Variants in PRKCB observed in about 807,000 individuals in gnomAD.
PRKCB encodes protein kinase C beta type.
In PRKCB, 13 loss-of-function variants were observed where a neutral mutation model predicts 81.5. The ratio of observed to expected loss-of-function variants is 0.16; its 90% CI spans 0.10 to 0.25. PRKCB has a LOEUF of 0.25. Among genes scored for constraint, PRKCB ranks in the 10% least tolerant of loss-of-function variants. The pLI, the probability that PRKCB is intolerant of heterozygous loss-of-function variation, is 1.00. For missense variants in PRKCB, 509 were observed against 875.7 expected (o/e 0.58, Z 5.29); for synonymous variants, 335 against 321.4 (o/e 1.04, Z -0.45).
chr16:23,854,129 A>G (rs779129193), intron 2 of PRKCB, among the ~76,000 whole-genome samples: 64 of 151,400 alleles, frequency 4.2e-4, no homozygotes, highest in Admixed American at 6.6e-4. Flanking sequence ...CTCATGACAC[A>G]TGGGGATTAT....
intron 2 of PRKCB, among the ~76,000 whole-genome samples, chr16:23,863,527 C>A (rs1274595650): frequency 1.3e-5 from 2 of 152,086 alleles, no homozygotes; most frequent in African/African-American, 2.4e-5. Context: ...AGCTTGGGGC[C>A]AAACTTAGGC....
chr16:23,923,218 C>G (rs897548407), intron 2 of PRKCB, among the ~76,000 whole-genome samples: 3 of 152,054 alleles, frequency 2.0e-5, no homozygotes, highest in Non-Finnish European at 4.4e-5. Context: ...GGGTAGCTGC[C>G]TTCAGGTATT....
At chr16:23,994,444 G>A (rs982450912) in intron 3 of PRKCB, among the ~76,000 whole-genome samples, 4 of 152,334 alleles carry the variant, frequency 2.6e-5, no homozygotes, top group Non-Finnish European at 5.9e-5. Flanking sequence ...CCAAGAGGAA[G>A]CCATTAGAAC....
chr16:24,164,435 C>T (rs1967310933), intron 10 of PRKCB, among the ~76,000 whole-genome samples: 2 of 152,190 alleles, frequency 1.3e-5, no homozygotes, highest in Admixed American at 6.5e-5. Flanking sequence ...CCTGAAGGCA[C>T]TTGAAGCTTA....
chr16:24,217,131 A>T lies in PRKCB; in HGVS notation c.*2315A>T. The T allele has an allele frequency of 2.0e-6, 2 of 983,274 alleles. No individual in the cohort carries two copies. The highest frequency in any genetic ancestry group is 2.4e-6 in the Non-Finnish European group (2 of 828,278). 60.9% of individuals were successfully genotyped at this position (983,274 alleles called of 1,614,324 possible). A position where few individuals can be genotyped will look rare whatever the true frequency, so the allele number is the denominator to read the frequency against. The stretch of plus-strand genomic sequence containing the variant: ...AAGAAAAAGAAAGAAGGAAAGAAAG[A>T]AAGAGAAAGGAAGGAAGGAAAGAAG... On this transcript the variant is annotated 3_prime_UTR_variant, in exon 17 of 17. Transcript: ENST00000643927.
intron 2 of PRKCB, among the ~76,000 whole-genome samples, chr16:23,843,704 T>A (rs1282604886): frequency 6.7e-6 from 1 of 148,626 alleles, no homozygotes; most frequent in African/African-American, 2.5e-5. Flanking sequence ...ATATAATTTT[T>A]AAAAAATATA....
rs1234874367 is a variant in PRKCB at position 24,069,749 on chromosome 16, C to CAAACA, written c.530-23031_530-23027dup. Among the ~76,000 whole-genome samples, 7 of 152,118 alleles carry CAAACA rather than the reference C, an allele frequency of 4.6e-5. No homozygotes were observed. The East Asian group carries it at 7.7e-4, about 17-fold the overall frequency. Reference sequence around the variant, plus strand: ...AGCAAGACTTTGTATCAAAACAAAACAAACAAAACAAAACAGTGCCTGGCA... The same window carrying CAAACA: ...AGCAAGACTTTGTATCAAAACAAAACAAACAAAACAAAACAAAACAGTGCCTGGCA... On this transcript the variant is annotated intron_variant, in intron 5 of 16. Transcript: ENST00000643927.
At chr16:24,160,945 C>T (rs1164488785) in intron 10 of PRKCB, among the ~76,000 whole-genome samples, 5 of 151,960 alleles carry the variant, frequency 3.3e-5, no homozygotes, top group South Asian at 2.1e-4. Context: ...GCGAGGAGGC[C>T]GGTGTCGCCC....
chr16:24,198,609 G>A (rs546683671), intron 16 of PRKCB, among the ~76,000 whole-genome samples: 62 of 152,242 alleles, frequency 4.1e-4, no homozygotes, highest in African/African-American at 1.4e-3. Context: ...AAGTGCTGGG[G>A]GTTACAGGCG....
chr16:24,212,402 TAAAAAA>T (rs35650101), intron 16 of PRKCB, among the ~76,000 whole-genome samples: 5 of 97,170 alleles, frequency 5.1e-5, no homozygotes, highest in East Asian at 3.4e-4. Context: ...TTCTGTGCTT[TAAAAAA>T]AAAAAAAAAA....
chr16:24,132,236 T>C (rs57337436), intron 9 of PRKCB, among the ~76,000 whole-genome samples: 5,755 of 152,130 alleles, frequency 0.038, 368 homozygotes, highest in African/African-American at 0.13. Context: ...AACTCATATC[T>C]CTCCAGATCT....
intron 16 of PRKCB, among the ~76,000 whole-genome samples, chr16:24,207,800 A>T (rs1366803034): frequency 3.3e-5 from 5 of 152,210 alleles, no homozygotes; most frequent in African/African-American, 1.2e-4. Flanking sequence ...GACAGAAAGG[A>T]TGCACAGGAG....
intron 2 of PRKCB, among the ~76,000 whole-genome samples, chr16:23,882,271 A>T (rs1274040686): frequency 6.6e-6 from 1 of 150,844 alleles, no homozygotes; most frequent in African/African-American, 2.4e-5. Flanking sequence ...TTTAATAGAG[A>T]CAAGGTCTTG....
chr16:24,138,602 A>G (rs747891876), intron 9 of PRKCB, among the ~76,000 whole-genome samples: 41 of 151,946 alleles, frequency 2.7e-4, no homozygotes, highest in Non-Finnish European at 5.1e-4. Flanking sequence ...GAGTGGTGAG[A>G]ACACTTGGGA....
At chr16:23,958,955 T>C (rs1388749521) in intron 2 of PRKCB, among the ~76,000 whole-genome samples, 3 of 152,170 alleles carry the variant, frequency 2.0e-5, no homozygotes, top group Admixed American at 1.3e-4. Flanking sequence ...GGTTTTACAC[T>C]TAATACTGTA....
chr16:24,199,633 C>T (rs2141985569), intron 16 of PRKCB, among the ~76,000 whole-genome samples: 1 of 152,268 alleles, frequency 6.6e-6, no homozygotes, highest in East Asian at 1.9e-4. Flanking sequence ...TCTCATAAAA[C>T]CTTTACTGTT....
At chr16:23,938,776 A>C (rs1191935206) in intron 2 of PRKCB, among the ~76,000 whole-genome samples, 1 of 152,244 alleles carries the variant, frequency 6.6e-6, no homozygotes, top group Admixed American at 6.5e-5. Flanking sequence ...AGGTTATAAA[A>C]AATCAATGAC....
rs1023916840 is a variant in PRKCB at position 24,188,214 on chromosome 16, G to T, written c.1722+2647G>T. Reference sequence around the variant, plus strand: ...TGACTCTCTTACTATTGAGTTTGGGGACCATTATTAATTGAGTGGGCTGAG... The same window carrying T: ...TGACTCTCTTACTATTGAGTTTGGGTACCATTATTAATTGAGTGGGCTGAG... On this transcript the variant is annotated intron_variant, in intron 15 of 16. Transcript: ENST00000643927. Among the ~76,000 whole-genome samples the T allele has an allele frequency of 3.3e-5, 5 of 152,132 alleles. No individual in the cohort carries two copies. The East Asian group carries it at 9.6e-4, about 29-fold the overall frequency.
chr16:24,124,864 C>T (rs1029016514), intron 9 of PRKCB, among the ~76,000 whole-genome samples: 3 of 152,178 alleles, frequency 2.0e-5, no homozygotes, highest in African/African-American at 4.8e-5. Flanking sequence ...GGCCACCGCC[C>T]CCCACAGCCA....
Sources: gnomAD v4.1 joint callset for allele counts (sites outside exome capture counted in the v4.1 genomes callset) on GRCh38, gnomAD v4.1.1 for gene constraint, MANE v1.5 for transcripts, NCBI Gene and HGNC (gene_info 2026-07-23, HGNC 2026-07-21) for gene names.